CLVS1: variants seen among roughly 807,000 people sequenced by gnomAD.
CLVS1 encodes the protein clavesin 1.
A neutral mutation model predicts 33.1 loss-of-function variants in CLVS1; 10 were observed. The ratio of observed to expected loss-of-function variants is 0.30; its 90% CI spans 0.19 to 0.51. The LOEUF (loss-of-function observed/expected upper bound fraction) is 0.51. Ranked by LOEUF, CLVS1 falls within the 20% of genes least tolerant of loss-of-function variation. CLVS1 has a pLI of 0.97. For missense variants in CLVS1, 343 were observed against 433.4 expected, an observed-to-expected ratio of 0.79 and a Z score of 1.85; for synonymous variants, 163 against 166.1, an observed-to-expected ratio of 0.98 and a Z score of 0.14.
chr8:61,068,211 ATATATATGTATGTATGTG>A (rs1804718525), intron 1 of CLVS1, among the ~76,000 whole-genome samples: 1 of 105,128 alleles, frequency 9.5e-6, no homozygotes, highest in African/African-American at 5.4e-5. Context: ...ATATATATAT[ATATATATGTATGTATGTG>A]TATATATATA....
intron 1 of CLVS1, among the ~76,000 whole-genome samples, chr8:61,074,009 CAAAAA>C (rs35959369): frequency 1.4e-5 from 1 of 70,390 alleles, no homozygotes; most frequent in African/African-American, 4.9e-5. Context: ...GACTCCGTCT[CAAAAA>C]AAAAAAAAAA....
intron 5 of CLVS1, among the ~76,000 whole-genome samples, chr8:61,462,653 C>G (rs1307327489): frequency 6.6e-6 from 1 of 152,164 alleles, no homozygotes; most frequent in Admixed American, 6.5e-5. Flanking sequence ...TCAATAAGCA[C>G]TAATATTTTG....
chr8:61,269,456 C>G (rs969316050), intron 2 of CLVS1, among the ~76,000 whole-genome samples: 4 of 151,914 alleles, frequency 2.6e-5, no homozygotes, highest in Non-Finnish European at 4.4e-5. Flanking sequence ...AGTGTGATGC[C>G]TCCAGCTTTG....
intron 1 of CLVS1, among the ~76,000 whole-genome samples, chr8:61,074,413 GTA>G (rs1233068748): frequency 1.5e-5 from 2 of 132,550 alleles, no homozygotes; most frequent in African/African-American, 6.2e-5. Context: ...ATATATATAA[GTA>G]TATGTGTATA....
intron 1 of CLVS1, among the ~76,000 whole-genome samples, chr8:61,073,881 G>A (rs1221574001): frequency 2.6e-5 from 4 of 151,560 alleles, no homozygotes; most frequent in Admixed American, 6.6e-5. Context: ...GCTAGGTGGC[G>A]GGCGCCTGTA....
the CLVS1 span, among the ~76,000 whole-genome samples, chr8:61,005,446 T>G: frequency 2.7e-5 from 4 of 149,976 alleles, no homozygotes. Context: ...AGCAAATGCT[T>G]GAATACCAAG....
At chr8:61,211,041 G>A (rs1192823241) in intron 2 of CLVS1, among the ~76,000 whole-genome samples, 1 of 152,100 alleles carries the variant, frequency 6.6e-6, no homozygotes, top group African/African-American at 2.4e-5. Context: ...AGGGATGGAG[G>A]GCTTAAAGAA....
At chr8:61,088,210 C>T (rs886467252) in intron 1 of CLVS1, among the ~76,000 whole-genome samples, 9 of 152,112 alleles carry the variant, frequency 5.9e-5, no homozygotes, top group African/African-American at 9.7e-5. Flanking sequence ...TGTAATTGGC[C>T]GGGCACGATG....
intron 2 of CLVS1, among the ~76,000 whole-genome samples, chr8:61,185,149 G>GTTT (rs766726344): frequency 1.4e-4 from 20 of 142,312 alleles, no homozygotes; most frequent in African/African-American, 2.6e-4. Flanking sequence ...TATAGTTTTT[G>GTTT]TTTTTGTTTT....
chr8:61,445,076 C>T (rs1335132035), intron 3 of CLVS1, among the ~76,000 whole-genome samples: 2 of 152,146 alleles, frequency 1.3e-5, no homozygotes, highest in Non-Finnish European at 2.9e-5. Context: ...AACTAGAAAA[C>T]ATGATTAATA....
chr8:61,273,438 CTT>C (rs1412476637), intron 2 of CLVS1, among the ~76,000 whole-genome samples: 2 of 152,164 alleles, frequency 1.3e-5, no homozygotes, highest in Non-Finnish European at 2.9e-5. Flanking sequence ...TTACTGCTGT[CTT>C]TTTGTTTGTC....
chr8:61,065,026 T>G (rs1316608394), intron 1 of CLVS1, among the ~76,000 whole-genome samples: 1 of 152,166 alleles, frequency 6.6e-6, no homozygotes, highest in Non-Finnish European at 1.5e-5. Flanking sequence ...TTTAAAGGAC[T>G]AATATGTTCC....
At chr8:61,420,618 G>A (rs1398834037) in intron 3 of CLVS1, among the ~76,000 whole-genome samples, 2 of 149,420 alleles carry the variant, frequency 1.3e-5, no homozygotes, top group Admixed American at 1.3e-4. Context: ...AGAAAAAAAA[G>A]TCATTATTTT....
At chr8:61,396,380 C>G (rs749584880) in intron 3 of CLVS1, among the ~76,000 whole-genome samples, 7 of 152,026 alleles carry the variant, frequency 4.6e-5, no homozygotes, top group Non-Finnish European at 1.0e-4. Context: ...TTTCAAAATT[C>G]CAAAAACTAT....
At chr8:61,052,226 C>A (rs1334078135), upstream of CLVS1, among the ~76,000 whole-genome samples, 1 of 152,200 alleles carries the variant, frequency 6.6e-6, no homozygotes, top group African/African-American at 2.4e-5. Flanking sequence ...TCCACCTCCC[C>A]CTGTGGCACC....
At chr8:61,006,367 G>A in the CLVS1 span, among the ~76,000 whole-genome samples, 1 of 152,164 alleles carries the variant, frequency 6.6e-6, no homozygotes, top group East Asian at 1.9e-4. Flanking sequence ...CCTTGCCATT[G>A]AAAGGAGAAC....
intron 5 of CLVS1, among the ~76,000 whole-genome samples, chr8:61,495,064 G>A (rs987206014): frequency 2.6e-5 from 4 of 152,178 alleles, no homozygotes. Flanking sequence ...TGCATTCTGG[G>A]TCTGTGCTGC....
chr8:61,263,147 G>A (rs1026922744), intron 2 of CLVS1, among the ~76,000 whole-genome samples: 2 of 152,118 alleles, frequency 1.3e-5, no homozygotes, highest in African/African-American at 4.8e-5. Context: ...AGCTTGATTG[G>A]CACAAGGTAC....
chr8:61,314,593 T>G (rs1810949172), intron 2 of CLVS1, among the ~76,000 whole-genome samples: 1 of 152,218 alleles, frequency 6.6e-6, no homozygotes, highest in Non-Finnish European at 1.5e-5. Flanking sequence ...CTTCCCTTGT[T>G]GAATTAATAC....
Sources: allele counts gnomAD v4.1 joint callset (sites outside exome capture counted in the v4.1 genomes callset), GRCh38; gene constraint gnomAD v4.1.1; transcripts MANE v1.5; gene names NCBI Gene and HGNC (gene_info 2026-07-23, HGNC 2026-07-21).